PRKG1: variants seen among roughly 807,000 people sequenced by gnomAD.
PRKG1 encodes the protein protein kinase cGMP-dependent 1, also known as cGMP-dependent protein kinase 1.
PRKG1 carries 35 observed loss-of-function variants against 88.1 expected under a neutral mutation model. The ratio of observed to expected loss-of-function variants is 0.40; its 90% CI spans 0.30 to 0.53. The LOEUF (loss-of-function observed/expected upper bound fraction) is 0.53, where lower values mean the gene tolerates loss of function less well. Ranked by LOEUF, PRKG1 falls within the 20% of genes least tolerant of loss-of-function variation. The probability of loss-of-function intolerance (pLI) is 0.59; values close to 1 mark genes in which losing one functional copy is unlikely to be tolerated. For synonymous variants in PRKG1, 303 were observed against 292.5 expected (o/e 1.04, Z -0.37); for missense variants, 540 against 839.8 (o/e 0.64, Z 4.41).
intron 5 of PRKG1, among the ~76,000 whole-genome samples, chr10:52,005,030 G>T (rs1386831975): frequency 6.6e-6 from 1 of 152,012 alleles, no homozygotes; most frequent in Non-Finnish European, 1.5e-5. Flanking sequence ...ATAGTTTTAG[G>T]AGCCAACAAA....
intron 3 of PRKG1, among the ~76,000 whole-genome samples, chr10:51,487,814 A>G (rs17540215): frequency 0.08 from 12,136 of 152,210 alleles, 661 homozygotes; most frequent in Non-Finnish European, 0.11. Context: ...ACACATCAGA[A>G]ATCACTTTAT....
chr10:51,987,061 T>C (rs937460895), intron 5 of PRKG1, among the ~76,000 whole-genome samples: 1 of 152,182 alleles, frequency 6.6e-6, no homozygotes, highest in African/African-American at 2.4e-5. Flanking sequence ...TAACTAGTTA[T>C]GTATTATATC....
chr10:51,499,387 A>T (rs774608584), intron 3 of PRKG1, among the ~76,000 whole-genome samples: 1 of 152,220 alleles, frequency 6.6e-6, no homozygotes, highest in African/African-American at 2.4e-5. Flanking sequence ...AAATAAGCGT[A>T]AGAAAGATGT....
chr10:51,561,640 G>T (rs949165222), intron 3 of PRKG1, among the ~76,000 whole-genome samples: 6 of 152,018 alleles, frequency 3.9e-5, no homozygotes, highest in African/African-American at 1.4e-4. Flanking sequence ...GAGGAAGAAG[G>T]GGTGGGGAGA....
intron 1 of PRKG1, among the ~76,000 whole-genome samples, chr10:51,047,041 G>A (rs189519735): frequency 6.6e-6 from 1 of 152,168 alleles, no homozygotes; most frequent in Admixed American, 6.5e-5. Context: ...TGTAAAACTA[G>A]GCCAGAATAT....
At chr10:52,292,787 A>C (rs966085557) in intron 17 of PRKG1, among the ~76,000 whole-genome samples, 4 of 151,942 alleles carry the variant, frequency 2.6e-5, no homozygotes, top group African/African-American at 9.6e-5. Flanking sequence ...ATCTATGACA[A>C]ACCCACAGCC....
chr10:51,309,858 C>T (rs1841138894), intron 2 of PRKG1, among the ~76,000 whole-genome samples: 1 of 152,088 alleles, frequency 6.6e-6, no homozygotes, highest in Non-Finnish European at 1.5e-5. Flanking sequence ...TGTTCATCTA[C>T]AGATGATTGG....
chr10:51,154,769 T>C (rs1359172663), intron 2 of PRKG1, among the ~76,000 whole-genome samples: 1 of 151,988 alleles, frequency 6.6e-6, no homozygotes, highest in Non-Finnish European at 1.5e-5. Flanking sequence ...ATTTAGACTT[T>C]CTTCTGGTGA....
intron 7 of PRKG1, among the ~76,000 whole-genome samples, chr10:52,100,657 CTACTCACTTTAT>C (rs1847274192): frequency 6.6e-6 from 1 of 152,184 alleles, no homozygotes; most frequent in Non-Finnish European, 1.5e-5. Flanking sequence ...TGCCAAGAGA[CTACTCACTTTAT>C]GTGAAATTAT....
rs147830744 is a variant in PRKG1 at position 52,000,346 on chromosome 10, AGAT to A, written c.763-54134_763-54132del. On this transcript the variant is annotated intron_variant, in intron 5 of 17. Transcript: ENST00000373980. ...AGCAATATATATATATAATTTCAACAGATGATTGAAATGTTTCTGTAAATTAAA... is the reference window on the plus strand; with the variant it reads ...AGCAATATATATATATAATTTCAACAGATTGAAATGTTTCTGTAAATTAAA... 3.9e-3 allele frequency among the ~76,000 whole-genome samples: 591 copies of A among 152,214 alleles called. 6 individuals are homozygous for A. The highest frequency in any genetic ancestry group is 0.014 in the African/African-American group (563 of 41,558).
At chr10:51,788,618 T>C (rs1838789644) in intron 3 of PRKG1, among the ~76,000 whole-genome samples, 1 of 152,162 alleles carries the variant, frequency 6.6e-6, no homozygotes, top group African/African-American at 2.4e-5. Flanking sequence ...TAGTATTCCA[T>C]CTGTTTCTTT....
At chr10:52,053,937 T>A (rs993181948) in intron 5 of PRKG1, among the ~76,000 whole-genome samples, 1 of 152,160 alleles carries the variant, frequency 6.6e-6, no homozygotes, top group Non-Finnish European at 1.5e-5. Flanking sequence ...CAAAGGAAGA[T>A]TTTTACATGC....
chr10:52,122,218 G>A (rs61847264), intron 7 of PRKG1, among the ~76,000 whole-genome samples: 6 of 152,056 alleles, frequency 3.9e-5, no homozygotes, highest in Admixed American at 2.0e-4. Context: ...GGAGCCAAAC[G>A]CACTTTTATT....
intron 17 of PRKG1, among the ~76,000 whole-genome samples, chr10:52,292,284 A>G (rs1842268102): frequency 6.6e-6 from 1 of 151,458 alleles, no homozygotes; most frequent in Admixed American, 6.6e-5. Context: ...CCATTTGTCA[A>G]TTTTGGCTTT....
At chr10:51,324,425 A>G (rs1009762399) in intron 2 of PRKG1, among the ~76,000 whole-genome samples, 2 of 152,158 alleles carry the variant, frequency 1.3e-5, no homozygotes, top group African/African-American at 4.8e-5. Context: ...GCAAACGACA[A>G]GATTTTATCC....
intron 1 of PRKG1, among the ~76,000 whole-genome samples, chr10:51,147,764 GCAAA>G (rs1845977231): frequency 6.6e-6 from 1 of 152,126 alleles, no homozygotes; most frequent in Non-Finnish European, 1.5e-5. Flanking sequence ...TCTGAATTTG[GCAAA>G]CAGTTTTAAT....
At chr10:51,357,618 G>A (rs1842394562) in intron 2 of PRKG1, among the ~76,000 whole-genome samples, 1 of 151,882 alleles carries the variant, frequency 6.6e-6, no homozygotes, top group South Asian at 2.1e-4. Flanking sequence ...AGCCTTATAT[G>A]TTATGCTTTG....
At chr10:51,824,750 T>A (rs1589323882) in intron 4 of PRKG1, among the ~76,000 whole-genome samples, 1 of 151,358 alleles carries the variant, frequency 6.6e-6, no homozygotes. Context: ...GAGGAGGAGG[T>A]GCCAGGCTCC....
chr10:51,947,392 A>C (rs1302654270), intron 5 of PRKG1, among the ~76,000 whole-genome samples: 2 of 152,058 alleles, frequency 1.3e-5, no homozygotes, highest in Non-Finnish European at 2.9e-5. Flanking sequence ...TAGGAAAGGG[A>C]ACTGCCTGAC....
Sources: allele counts gnomAD v4.1 joint callset (sites outside exome capture counted in the v4.1 genomes callset), GRCh38; gene constraint gnomAD v4.1.1; transcripts MANE v1.5; gene names NCBI Gene and HGNC (gene_info 2026-07-23, HGNC 2026-07-21).